The following SNTG1 variants were observed in gnomAD, a reference collection of about 807,000 sequenced individuals.
SNTG1 encodes syntrophin gamma 1.
Under a neutral mutation model 74.7 loss-of-function variants are expected in SNTG1, and 39 were observed. That is an observed-to-expected ratio of 0.52 (90% CI 0.40 to 0.68). The LOEUF (loss-of-function observed/expected upper bound fraction) is 0.68, where lower values mean the gene tolerates loss of function less well. Among genes scored for constraint, SNTG1 ranks in the 30% least tolerant of loss-of-function variants. The probability of loss-of-function intolerance (pLI) is 0.00; values close to 1 mark genes in which losing one functional copy is unlikely to be tolerated. For missense variants in SNTG1, 685 were observed against 609.5 expected (o/e 1.12, Z -1.30); for synonymous variants, 254 against 217.1 (o/e 1.17, Z -1.49).
chr8:50,162,662 T>G (rs2082465829), intron 1 of SNTG1, among the ~76,000 whole-genome samples: 1 of 151,944 alleles, frequency 6.6e-6, no homozygotes, highest in Non-Finnish European at 1.5e-5. Flanking sequence ...GGATCTCCAG[T>G]TGAGGTGCTA....
intron 10 of SNTG1, among the ~76,000 whole-genome samples, chr8:50,531,169 T>A (rs1379747595): frequency 6.6e-6 from 1 of 152,204 alleles, no homozygotes; most frequent in Non-Finnish European, 1.5e-5. Context: ...CTGATTTCCC[T>A]AGTATTACTC....
intron 8 of SNTG1, among the ~76,000 whole-genome samples, chr8:50,480,552 A>G (rs532702513): frequency 5.3e-5 from 8 of 152,304 alleles, no homozygotes; most frequent in Non-Finnish European, 1.0e-4. Context: ...AATGGAAACA[A>G]ATTGCTAACT....
intron 13 of SNTG1, among the ~76,000 whole-genome samples, chr8:50,598,240 C>G (rs1320774780): frequency 6.6e-6 from 1 of 151,782 alleles, no homozygotes; most frequent in Non-Finnish European, 1.5e-5. Context: ...AAATTTAAGT[C>G]TTTAAGACAT....
rs759494093 is a variant in SNTG1 at position 50,536,791 on chromosome 8, C to T, written c.663C>T (p.Pro221=). 9.3e-6 allele frequency: 15 copies of T among 1,613,770 alleles called. No homozygotes were observed. Among genetic ancestry groups the T allele is most frequent in the South Asian group, 2.2e-5 (2 of 91,074 alleles). Residue 221 remains proline, a synonymous_variant, in exon 11 of 19, where the codon CCC becomes CCT. Coordinates refer to ENST00000642720, the MANE Select transcript of SNTG1 (RefSeq NM_018967.5). ...ATTCGCGCTTCTCTCAGTATGTGCC[C>T]GGCACAGATTTGAGTCGGTGAGTCC... ...LLHSRFSQYV[P]GTDLSRQNAF... is the part of the protein sequence containing the mutation.
intron 17 of SNTG1, among the ~76,000 whole-genome samples, chr8:50,724,595 A>G (rs1445584769): frequency 1.3e-5 from 2 of 152,198 alleles, no homozygotes; most frequent in East Asian, 1.9e-4. Context: ...TAATTATCTA[A>G]TCATTAATAA....
intron 2 of SNTG1, among the ~76,000 whole-genome samples, chr8:50,391,005 G>A (rs2092650547): frequency 6.6e-6 from 1 of 152,144 alleles, no homozygotes; most frequent in African/African-American, 2.4e-5. Flanking sequence ...ATACAATCAT[G>A]TCATCTGCAA....
intron 2 of SNTG1, among the ~76,000 whole-genome samples, chr8:50,372,963 A>ATAT (rs1323585588): frequency 6.6e-6 from 1 of 152,206 alleles, no homozygotes; most frequent in Non-Finnish European, 1.5e-5. Flanking sequence ...ATACTGAAAA[A>ATAT]TATTTTCTGT....
At chr8:50,763,310 C>T (rs1485061058) in intron 18 of SNTG1, among the ~76,000 whole-genome samples, 1 of 151,856 alleles carries the variant, frequency 6.6e-6, no homozygotes, top group East Asian at 2.0e-4. Context: ...GCCCCTGATA[C>T]TCAGAATTTT....
rs550077287 is a variant in SNTG1 at position 50,741,693 on chromosome 8, C to A, written c.1285-10308C>A. ...ACCTGGAAAATGGAATATTATTGAG[C>A]ATCAGAAAAGAAAAGCCATGAAATG... On this transcript the variant is annotated intron_variant, in intron 17 of 18. Coordinates refer to ENST00000642720, the MANE Select transcript of SNTG1 (RefSeq NM_018967.5). Among the ~76,000 whole-genome samples the A allele has an allele frequency of 1.0e-3, 157 of 152,034 alleles. No individual in the cohort carries two copies. In the Middle Eastern group the frequency reaches 0.014, roughly 13 times the overall value.
intron 2 of SNTG1, among the ~76,000 whole-genome samples, chr8:50,376,756 T>TATATATATATATATATAGAGAG (rs1381048539): frequency 4.8e-4 from 43 of 89,932 alleles, no homozygotes; most frequent in Non-Finnish European, 9.2e-4. Context: ...TATATATATA[T>TATATATATATATATATAGAGAG]AGAGAGAGAG....
At chr8:50,409,751 C>T (rs550995645) in intron 4 of SNTG1, among the ~76,000 whole-genome samples, 144 of 152,240 alleles carry the variant, frequency 9.5e-4, no homozygotes, top group Admixed American at 2.0e-3. Context: ...TTAGCCTGTG[C>T]TAGTTTTAAA....
chr8:50,384,068 C>G (rs1393014014), intron 2 of SNTG1, among the ~76,000 whole-genome samples: 1 of 152,196 alleles, frequency 6.6e-6, no homozygotes, highest in African/African-American at 2.4e-5. Flanking sequence ...CTGAGAGGCA[C>G]TACCCTCATT....
At chr8:50,358,215 G>A (rs1215680920) in intron 2 of SNTG1, among the ~76,000 whole-genome samples, 2 of 152,172 alleles carry the variant, frequency 1.3e-5, no homozygotes, top group Non-Finnish European at 2.9e-5. Flanking sequence ...GGAGTGAAAG[G>A]TAAAGAAACA....
intron 2 of SNTG1, among the ~76,000 whole-genome samples, chr8:50,203,209 T>C (rs1478231579): frequency 6.6e-6 from 1 of 152,192 alleles, no homozygotes; most frequent in Non-Finnish European, 1.5e-5. Context: ...ATGTTTCTGT[T>C]TCAGAGTTTT....
chr8:50,188,843 C>T (rs2083471258), intron 2 of SNTG1, among the ~76,000 whole-genome samples: 1 of 152,096 alleles, frequency 6.6e-6, no homozygotes, highest in African/African-American at 2.4e-5. Flanking sequence ...ATCCTAAAGG[C>T]CTGCACTGTG....
chr8:50,222,275 A>G (rs1388088659), intron 2 of SNTG1, among the ~76,000 whole-genome samples: 2 of 152,210 alleles, frequency 1.3e-5, no homozygotes, highest in African/African-American at 4.8e-5. Flanking sequence ...CATTAGATTT[A>G]TAAAGGCAGT....
intron 2 of SNTG1, among the ~76,000 whole-genome samples, chr8:50,193,273 A>G (rs1027117187): frequency 6.6e-6 from 1 of 152,150 alleles, no homozygotes; most frequent in Admixed American, 6.6e-5. Flanking sequence ...GTTTCTACCT[A>G]TCCATGAGCA....
At chr8:50,730,030 TG>T (rs1437555733) in intron 17 of SNTG1, among the ~76,000 whole-genome samples, 9 of 151,770 alleles carry the variant, frequency 5.9e-5, no homozygotes, top group Admixed American at 1.3e-4. Context: ...AAAAAGTAGT[TG>T]GATAAGAAAA....
In SNTG1 at chr8:50,526,555, G is replaced by A. The variant is rs115088960; in HGVS notation, c.467-3622G>A. Among the ~76,000 whole-genome samples the A allele has an allele frequency of 2.8e-3, 424 of 152,134 alleles. 3 individuals carry two copies. Among genetic ancestry groups the A allele is most frequent in the African/African-American group, 9.8e-3 (408 of 41,510 alleles). ...TGTGTCTATGGGAAGCAAGGTCTGA[G>A]GTTTCTATTCCACCATCTTTCTGAA... On this transcript the variant is annotated intron_variant, in intron 9 of 18. Transcript: ENST00000642720.
Sources: gnomAD v4.1 joint callset for allele counts (sites outside exome capture counted in the v4.1 genomes callset) on GRCh38, gnomAD v4.1.1 for gene constraint, MANE v1.5 for transcripts, NCBI Gene and HGNC (gene_info 2026-07-23, HGNC 2026-07-21) for gene names.